The following CPQ variants were observed in gnomAD, a reference collection of about 807,000 sequenced individuals.
CPQ encodes Ser-Met dipeptidase.
Under a neutral mutation model 45.7 loss-of-function variants are expected in CPQ, and 37 were observed. The observed-to-expected ratio is 0.81, with a 90% confidence interval of 0.62 to 1.07. The LOEUF (loss-of-function observed/expected upper bound fraction) is 1.07. Ranked by LOEUF, CPQ falls within the 50% of genes least tolerant of loss-of-function variation. CPQ has a pLI of 0.00. For synonymous variants in CPQ, 186 were observed against 205.8 expected, an observed-to-expected ratio of 0.90 and a Z score of 0.82; for missense variants, 537 against 572.9, an observed-to-expected ratio of 0.94 and a Z score of 0.64.
intron 7 of CPQ, chr8:97,092,762 G>T (rs1811147209): frequency 6.6e-6 from 1 of 152,054 alleles, no homozygotes; most frequent in Non-Finnish European, 1.5e-5. Context: ...ATTGGCCCTG[G>T]CAAAGACTTC....
chr8:97,115,071 A>G (rs1811561427), intron 7 of CPQ, among the ~76,000 whole-genome samples: 1 of 152,202 alleles, frequency 6.6e-6, no homozygotes. Context: ...AAATTTGCTG[A>G]ACCAGAAAGG....
intron 5 of CPQ, among the ~76,000 whole-genome samples, chr8:96,986,627 A>G (rs984171976): frequency 6.6e-6 from 1 of 152,188 alleles, no homozygotes; most frequent in African/African-American, 2.4e-5. Flanking sequence ...GACAGTGGGC[A>G]GAACACTAAT....
intron 1 of CPQ, among the ~76,000 whole-genome samples, chr8:96,734,854 A>G (rs912152907): frequency 2.0e-5 from 3 of 152,082 alleles, no homozygotes; most frequent in Non-Finnish European, 2.9e-5. Context: ...ATCTGGCTCT[A>G]TTTATCTACT....
intron 1 of CPQ, among the ~76,000 whole-genome samples, chr8:96,726,059 A>T (rs548719003): frequency 1.0e-3 from 154 of 152,210 alleles, no homozygotes; most frequent in African/African-American, 3.6e-3. Flanking sequence ...GGACATAAAG[A>T]TGGGAAAAAT....
chr8:96,993,898 C>T (rs2130411422), intron 5 of CPQ, among the ~76,000 whole-genome samples: 1 of 152,124 alleles, frequency 6.6e-6, no homozygotes, highest in East Asian at 1.9e-4. Flanking sequence ...TTAATGTTTA[C>T]CAAACACTAT....
At chr8:96,944,267 G>C (rs998703119) in intron 4 of CPQ, among the ~76,000 whole-genome samples, 3 of 152,060 alleles carry the variant, frequency 2.0e-5, no homozygotes, top group African/African-American at 7.2e-5. Flanking sequence ...TTCATACCCA[G>C]TTTTCCATCC....
chr8:96,681,341 T>A (rs1809148204), intron 1 of CPQ, among the ~76,000 whole-genome samples: 2 of 152,156 alleles, frequency 1.3e-5, no homozygotes, highest in African/African-American at 4.8e-5. Flanking sequence ...GTACCCTGCA[T>A]TTCAGCAGCT....
intron 5 of CPQ, among the ~76,000 whole-genome samples, chr8:96,996,342 C>G (rs1470555640): frequency 6.6e-6 from 1 of 151,948 alleles, no homozygotes; most frequent in African/African-American, 2.4e-5. Context: ...TTTAAAAGCA[C>G]AGCCTACAAG....
At chr8:96,680,422 A>G (rs1809134193) in intron 1 of CPQ, 1 of 151,970 alleles carries the variant, frequency 6.6e-6, no homozygotes, top group South Asian at 2.1e-4. Context: ...GTCTCATGGG[A>G]TCTTATGGTT....
At chr8:96,696,427 A>C (rs1354964721) in intron 1 of CPQ, among the ~76,000 whole-genome samples, 1 of 151,984 alleles carries the variant, frequency 6.6e-6, no homozygotes, top group Non-Finnish European at 1.5e-5. Flanking sequence ...TGTACCCTAA[A>C]ACTTGAAGTA....
intron 1 of CPQ, among the ~76,000 whole-genome samples, chr8:96,725,942 C>T (rs1809832573): frequency 6.6e-6 from 1 of 152,124 alleles, no homozygotes; most frequent in South Asian, 2.1e-4. Context: ...TTTGGAGCAA[C>T]ATGGATGCAG....
chr8:96,837,371 C>T (rs576829392), intron 3 of CPQ, among the ~76,000 whole-genome samples: 3 of 152,324 alleles, frequency 2.0e-5, no homozygotes, highest in East Asian at 1.9e-4. Context: ...TAACTGCCTA[C>T]GTGTCAAATT....
At chr8:96,945,133 G>A (rs1013078766) in intron 4 of CPQ, among the ~76,000 whole-genome samples, 2 of 152,124 alleles carry the variant, frequency 1.3e-5, no homozygotes, top group Admixed American at 1.3e-4. Flanking sequence ...TGCTTGTTGA[G>A]TGCTCTAAGG....
At chr8:96,916,664 T>G (rs1812737105) in intron 4 of CPQ, among the ~76,000 whole-genome samples, 1 of 152,170 alleles carries the variant, frequency 6.6e-6, no homozygotes, top group South Asian at 2.1e-4. Flanking sequence ...CTTATTTAGA[T>G]TCCTCTGTTT....
At chr8:97,071,018 C>A (rs185440570) in intron 7 of CPQ, among the ~76,000 whole-genome samples, 1 of 152,302 alleles carries the variant, frequency 6.6e-6, no homozygotes, top group Admixed American at 6.5e-5. Flanking sequence ...TACCCTCTTA[C>A]TGTGACCTGA....
At chr8:96,987,017 G>A (rs1398712836) in intron 5 of CPQ, among the ~76,000 whole-genome samples, 1 of 152,092 alleles carries the variant, frequency 6.6e-6, no homozygotes, top group African/African-American at 2.4e-5. Flanking sequence ...GTTCCTGAAT[G>A]GGCACAGGTA....
At chr8:96,692,451 G>A (rs1387486930) in intron 1 of CPQ, among the ~76,000 whole-genome samples, 2 of 151,224 alleles carry the variant, frequency 1.3e-5, no homozygotes, top group Non-Finnish European at 3.0e-5. Flanking sequence ...GGTTGCTTGT[G>A]CCACCCCTCT....
intron 1 of CPQ, among the ~76,000 whole-genome samples, chr8:96,767,389 G>T (rs915560808): frequency 2.0e-5 from 3 of 151,850 alleles, no homozygotes; most frequent in African/African-American, 4.8e-5. Flanking sequence ...TGGTACCTTT[G>T]ATTTCCCTCT....
At chr8:97,004,387 A>G (rs1485791440) in intron 5 of CPQ, among the ~76,000 whole-genome samples, 1 of 152,126 alleles carries the variant, frequency 6.6e-6, no homozygotes, top group Admixed American at 6.5e-5. Context: ...TTTTAAAAAA[A>G]CAAAACAACA....
Sources: allele counts gnomAD v4.1 joint callset (sites outside exome capture counted in the v4.1 genomes callset), GRCh38; gene constraint gnomAD v4.1.1; transcripts MANE v1.5; gene names NCBI Gene and HGNC (gene_info 2026-07-23, HGNC 2026-07-21).